CRNKL1: variants seen among roughly 807,000 people sequenced by gnomAD.
CRNKL1 encodes the protein crooked neck-like protein 1.
A neutral mutation model predicts 103.7 loss-of-function variants in CRNKL1; 35 were observed. The observed-to-expected ratio is 0.34, with a 90% CI of 0.26 to 0.45. The LOEUF (loss-of-function observed/expected upper bound fraction) is 0.45. CRNKL1 is among the 20% of genes least tolerant of loss of function. The pLI is 1.00. For missense variants in CRNKL1, 645 were observed against 836.0 expected (o/e 0.77, Z 2.82); for synonymous variants, 267 against 282.6 (o/e 0.94, Z 0.55).
At chr20:20,050,914 G>A (rs898782611) in intron 1 of CRNKL1, among the ~76,000 whole-genome samples, 6 of 152,188 alleles carry the variant, frequency 3.9e-5, no homozygotes, top group African/African-American at 1.2e-4. Flanking sequence ...CTTTGAGGCC[G>A]TCTAGGTAAA....
rs1201638385 is a variant in CRNKL1, at chr20:20,034,613, T to C, written c.*1582A>G. 1 of 151,170 alleles carries C rather than the reference T, an allele frequency of 6.6e-6. No homozygotes were observed. Among genetic ancestry groups the C allele is most frequent in the African/African-American group, 2.4e-5 (1 of 41,358 alleles). 9.4% of individuals were successfully genotyped at this position (151,170 alleles called of 1,614,324 possible). A position where few individuals can be genotyped will look rare whatever the true frequency, so the allele number is the denominator to read the frequency against. Reference sequence around the variant, plus strand: ...CATTCTGACCTATTATTTTCATCTCTCCCTGACTCTGGGTGAGCCAAAGGC... The same window carrying C: ...CATTCTGACCTATTATTTTCATCTCCCCCTGACTCTGGGTGAGCCAAAGGC... On this transcript the variant is annotated 3_prime_UTR_variant, in exon 14 of 14. Transcript: ENST00000536226.
intron 13 of CRNKL1, among the ~76,000 whole-genome samples, chr20:20,036,880 C>A (rs1490397241): frequency 6.6e-6 from 1 of 152,144 alleles, no homozygotes; most frequent in African/African-American, 2.4e-5. Flanking sequence ...TTTCTCCAAT[C>A]TAAGCCCCTT....
At chr20:20,045,817 T>C (rs2043584855) in intron 5 of CRNKL1, among the ~76,000 whole-genome samples, 1 of 152,188 alleles carries the variant, frequency 6.6e-6, no homozygotes, top group Non-Finnish European at 1.5e-5. Context: ...GTCTCAGCTG[T>C]TTCATTTGTA....
chr20:20,052,854 A>G (rs941862684), upstream of CRNKL1: 6 of 834,444 alleles, frequency 7.2e-6, no homozygotes, highest in Non-Finnish European at 1.1e-5. Context: ...TGCCTCGAGC[A>G]TTGCATTCTA....
intron 10 of CRNKL1, among the ~76,000 whole-genome samples, chr20:20,040,150 C>G (rs2043488574): frequency 6.6e-6 from 1 of 151,952 alleles, no homozygotes; most frequent in Admixed American, 6.6e-5. Flanking sequence ...CATAAAACCT[C>G]CTATAAATAA....
Position 20,042,438 on chromosome 20 carries a change from C to G in CRNKL1, c.1051G>C (p.Glu351Gln). 2 of 1,614,148 alleles carry G rather than the reference C, an allele frequency of 1.2e-6. No homozygotes were observed. Among genetic ancestry groups the G allele is most frequent in the Non-Finnish European group, 1.7e-6 (2 of 1,180,016 alleles). ...ESDAEAEAVR[E>Q]VYERAIANVP... ...TTGGCAATGGCCCTTTCATAGACTT[C>G]TCTCACGGCTTCAGCTTCTGCGTCA... The change falls in exon 8 of 14, where the codon GAA (glutamate) becomes CAA (glutamine). Residue 351 changes from glutamate (E) to glutamine (Q), a missense_variant. Physicochemically the swap from Glu to Gln is conservative, Grantham distance 29. Coordinates refer to ENST00000536226, the MANE Select transcript of CRNKL1 (RefSeq NM_001278628.2).
At chr20:20,052,599 A>G (rs779101364), upstream of CRNKL1, 13 of 1,613,776 alleles carry the variant, frequency 8.1e-6, no homozygotes, top group Non-Finnish European at 1.0e-5. Flanking sequence ...GAGGTGGGTA[A>G]CGCCGTGCTG....
chr20:20,053,390 G>GCAGTAA (rs1248529150), upstream of CRNKL1, among the ~76,000 whole-genome samples: 6 of 152,120 alleles, frequency 3.9e-5, no homozygotes, highest in Non-Finnish European at 8.8e-5. Context: ...CTCCACCAGA[G>GCAGTAA]CAGTACATTT....
At position 20,036,092 on chromosome 20, in the gene CRNKL1, A is replaced by G; in HGVS notation, c.*103T>C. ...TAAAAAGTAGCCATCAAAGATACCA[A>G]TCAATTTCTTACTGGTGAAATATAT... On this transcript the variant is annotated 3_prime_UTR_variant, in exon 14 of 14. Transcript: ENST00000536226. 8.4e-7 allele frequency: 1 copy of G among 1,196,046 alleles called. No individual in the cohort carries two copies. Among genetic ancestry groups the G allele is most frequent in the South Asian group, 1.6e-5 (1 of 62,030 alleles). The allele number at this position is 1,196,046 out of a possible 1,614,324, so 74.1% of individuals were successfully genotyped here.
Position 20,036,051 on chromosome 20 carries a change from C to CATT in CRNKL1, c.*141_*143dup, listed in dbSNP as rs751630873. 6 of 849,404 alleles carry CATT rather than the reference C, an allele frequency of 7.1e-6. No individual in the cohort carries two copies. Among genetic ancestry groups the CATT allele is most frequent in the Non-Finnish European group, 1.0e-5 (6 of 572,532 alleles). The allele number at this position is 849,404 out of a possible 1,614,324, so 52.6% of individuals were successfully genotyped here. A position where few individuals can be genotyped will look rare whatever the true frequency, so the allele number is the denominator to read the frequency against. On this transcript the variant is annotated 3_prime_UTR_variant, in exon 14 of 14. Transcript: ENST00000536226. ...TCCCTACCCCTAGCTAACCCAAGAG[C>CATT]ATTTAAAAAATAACTTAAAAAGTAG...
chr20:20,049,252 C>A (rs62200274), intron 3 of CRNKL1, 88 bp downstream of exon 3: 8 of 788,026 alleles, frequency 1.0e-5, no homozygotes, highest in Non-Finnish European at 1.6e-5. Flanking sequence ...CAATCTTTTA[C>A]CTGTGCTTTA....
Position 20,042,357 on chromosome 20 carries a change from T to C in CRNKL1, c.1132A>G (p.Asn378Asp). 6.2e-7 allele frequency: 1 copy of C among 1,613,510 alleles called. No homozygotes were observed. The highest frequency in any genetic ancestry group is 8.5e-7 in the Non-Finnish European group (1 of 1,179,844). The change falls in exon 8 of 14, where the codon AAC (asparagine) becomes GAC (aspartate). Residue 378 changes from asparagine (N) to aspartate (D), a missense_variant. This residue lies in a region of CRNKL1 where 582 missense variants were observed against 707.7 expected (regional missense o/e 0.82). Coordinates refer to ENST00000536226, the MANE Select transcript of CRNKL1 (RefSeq NM_001278628.2). Reference sequence around the variant, plus strand: ...TCCAATTCTTCATAGAGTGCATAGTTGATCCAAAGATAAATGTAGCGCTTC... The same window carrying C: ...TCCAATTCTTCATAGAGTGCATAGTCGATCCAAAGATAAATGTAGCGCTTC... The part of the protein sequence containing the change: ...HWKRYIYLWI[N>D]YALYEELEAK...
chr20:20,041,717 T>G (rs2043517513), intron 8 of CRNKL1, 92 bp from the exon 9 acceptor site: 5 of 899,978 alleles, frequency 5.6e-6, no homozygotes, highest in Non-Finnish European at 7.3e-6. Flanking sequence ...TTGGTAAAAA[T>G]GTACACCCCC....
In CRNKL1 at chr20:20,036,036, T is replaced by G; in HGVS notation, c.*159A>C. On this transcript the variant is annotated 3_prime_UTR_variant, in exon 14 of 14. Coordinates refer to ENST00000536226, the MANE Select transcript of CRNKL1 (RefSeq NM_001278628.2). The stretch of plus-strand genomic sequence containing the variant: ...GTCCTTTACTTGCAATCCCTACCCC[T>G]AGCTAACCCAAGAGCATTTAAAAAA... 1 of 754,398 alleles carries G rather than the reference T, an allele frequency of 1.3e-6. No individual in the cohort carries two copies. The allele number at this position is 754,398 out of a possible 1,614,324, so 46.7% of individuals were successfully genotyped here.
chr20:20,052,240 G>C (rs770494524), intron 1 of CRNKL1, 52 bp downstream of exon 1: 6 of 1,500,826 alleles, frequency 4.0e-6, no homozygotes, highest in Admixed American at 3.5e-5. Context: ...TCAGGGCTGA[G>C]GGATGCCCCT....
At chr20:20,045,122 T>C (rs769883797) in intron 6 of CRNKL1, among the ~76,000 whole-genome samples, 186 bp downstream of exon 6, 3 of 152,294 alleles carry the variant, frequency 2.0e-5, no homozygotes, top group Non-Finnish European at 4.4e-5. Flanking sequence ...ATACAATCTA[T>C]AATCAGCTCC....
chr20:20,052,116 G>C lies in CRNKL1; in HGVS notation c.51+176C>G, dbSNP rs1336784186. The stretch of plus-strand genomic sequence containing the variant: ...CCAGAACGAAGGCCACGCCAACGCG[G>C]GTCGTGCTCCGCGATGACAAGAGCC... On this transcript the variant is annotated intron_variant, in intron 1 of 13. Transcript: ENST00000536226. 2.0e-5 allele frequency among the ~76,000 whole-genome samples: 3 copies of C among 152,040 alleles called. No homozygotes were observed. In the East Asian group the frequency reaches 5.8e-4, roughly 29 times the overall value.
In CRNKL1 at chr20:20,041,630, A is replaced by C; in HGVS notation, c.1165-5T>G. The C allele has an allele frequency of 1.2e-6, 2 of 1,609,466 alleles. No homozygotes were observed. The highest frequency in any genetic ancestry group is 1.7e-6 in the Non-Finnish European group (2 of 1,176,078). Reference sequence around the variant, plus strand: ...CTGTCTTGTCCTCTCAGGATCCTGTATTAGGATAAGAAATTTTCACAAAAT... The same window carrying C: ...CTGTCTTGTCCTCTCAGGATCCTGTCTTAGGATAAGAAATTTTCACAAAAT... On this transcript the variant is annotated splice_region_variant and splice_polypyrimidine_tract_variant and intron_variant, in intron 8 of 13. Transcript: ENST00000536226.
At chr20:20,037,697 A>G in intron 12 of CRNKL1, 126 bp from the exon 13 acceptor site, 1 of 826,370 alleles carries the variant, frequency 1.2e-6, no homozygotes, top group East Asian at 2.7e-5. Context: ...AATGTTTCAC[A>G]GATGAAAACA....
Sources: allele counts gnomAD v4.1 joint callset (sites outside exome capture counted in the v4.1 genomes callset), GRCh38; gene constraint gnomAD v4.1.1; regional missense constraint gnomAD v4.1.1; transcripts MANE v1.5; gene names NCBI Gene and HGNC (gene_info 2026-07-23, HGNC 2026-07-21).